EML6: variants seen among roughly 807,000 people sequenced by gnomAD.
EML6 encodes EMAP like 6.
In EML6, 154 loss-of-function variants were observed where a neutral mutation model predicts 240.1. That is an observed-to-expected ratio of 0.64 (90% confidence interval 0.56 to 0.73). The LOEUF (loss-of-function observed/expected upper bound fraction) is 0.73, where lower values mean the gene tolerates loss of function less well. EML6 is among the 30% of genes least tolerant of loss of function. EML6 has a pLI of 0.00. For synonymous variants in EML6, 1,148 were observed against 899.0 expected (o/e 1.28, Z -4.95); for missense variants, 2,964 against 2,474.6 (o/e 1.20, Z -4.20).
intron 7 of EML6, among the ~76,000 whole-genome samples, chr2:54,843,221 GT>G (rs973482570): frequency 1.3e-5 from 2 of 152,130 alleles, no homozygotes; most frequent in Non-Finnish European, 2.9e-5. Context: ...ACATTCTACT[GT>G]TTAAGACCAG....
At chr2:54,877,306 G>A (rs909251049) in intron 16 of EML6, among the ~76,000 whole-genome samples, 9 of 152,054 alleles carry the variant, frequency 5.9e-5, no homozygotes, top group Admixed American at 2.0e-4. Context: ...GCTATATAAC[G>A]TAGTACATTC....
intron 8 of EML6, among the ~76,000 whole-genome samples, chr2:54,845,304 G>C (rs778230569): frequency 3.3e-5 from 5 of 152,060 alleles, no homozygotes; most frequent in South Asian, 4.1e-4. Flanking sequence ...CTCCTTTTTT[G>C]TTTTTGTCTT....
rs1263049922 is a variant in EML6 at position 54,853,859 on chromosome 2, A to C, written c.1657+4A>C. On this transcript the variant is annotated splice_donor_region_variant and intron_variant, in intron 11 of 41. Transcript: ENST00000356458. Reference sequence around the variant, plus strand: ...AAATTTCCTTGTCTCAAGAGAGGTAAGGCCAAAAGAGATGTTTCATTGCAT... The same window carrying C: ...AAATTTCCTTGTCTCAAGAGAGGTACGGCCAAAAGAGATGTTTCATTGCAT... The C allele has an allele frequency of 1.9e-6, 3 of 1,539,366 alleles. No individual in the cohort carries two copies. Among genetic ancestry groups the C allele is most frequent in the Admixed American group, 3.9e-5 (2 of 50,750 alleles).
chr2:54,801,428 T>C (rs1272189326), intron 2 of EML6, among the ~76,000 whole-genome samples: 1 of 151,924 alleles, frequency 6.6e-6, no homozygotes, highest in African/African-American at 2.4e-5. Context: ...CCTGAAGTGA[T>C]GCTTACATGA....
chr2:54,811,290 C>A (rs1208651775), intron 2 of EML6, among the ~76,000 whole-genome samples: 1 of 152,166 alleles, frequency 6.6e-6, no homozygotes, highest in Non-Finnish European at 1.5e-5. Flanking sequence ...CCTGGCCTGG[C>A]TAAGGCAGCT....
At chr2:54,915,810 T>G (rs756268622) in intron 25 of EML6, among the ~76,000 whole-genome samples, 2 of 152,112 alleles carry the variant, frequency 1.3e-5, no homozygotes, top group Non-Finnish European at 2.9e-5. Context: ...GGGCTTTAAT[T>G]TTAGCTACAG....
At chr2:54,816,122 T>C (rs1668071314) in intron 3 of EML6, among the ~76,000 whole-genome samples, 1 of 152,214 alleles carries the variant, frequency 6.6e-6, no homozygotes, top group Admixed American at 6.5e-5. Flanking sequence ...ATAAGTGATA[T>C]CCTGCAAGAA....
At chr2:54,820,308 G>C (rs1668272959) in intron 4 of EML6, 86 bp from the exon 5 acceptor site, 5 of 755,346 alleles carry the variant, frequency 6.6e-6, no homozygotes, top group Non-Finnish European at 9.0e-6. Context: ...AAATGTTATA[G>C]TAGAGTCTTG....
Position 54,937,997 on chromosome 2 carries a change from C to T in EML6, c.4004+9246C>T, listed in dbSNP as rs764860490. On this transcript the variant is annotated intron_variant, in intron 28 of 41. Transcript: ENST00000356458. ...TCCCACTTCTGACACCAATCTGCTT[C>T]GTCCTCACAGGACAGTGATGTTAGT... is the stretch of plus-strand genomic sequence containing the variant. 1.7e-4 allele frequency among the ~76,000 whole-genome samples: 26 copies of T among 152,190 alleles called. 1 individual carries two copies. Among genetic ancestry groups the T allele is most frequent in the Admixed American group, 1.3e-3 (20 of 15,280 alleles).
chr2:54,789,314 C>G (rs1182694304), intron 2 of EML6, among the ~76,000 whole-genome samples: 1 of 151,696 alleles, frequency 6.6e-6, no homozygotes, highest in Non-Finnish European at 1.5e-5. Context: ...GAGATCGAGA[C>G]CATCCTGGCT....
At chr2:54,911,131 A>C in intron 25 of EML6, 89 bp downstream of exon 25, 1 of 665,028 alleles carries the variant, frequency 1.5e-6, no homozygotes, top group Non-Finnish European at 2.6e-6. Context: ...AACCACTAAT[A>C]TGGGTTATAT....
chr2:54,784,597 AACT>A (rs1280307070), intron 2 of EML6, among the ~76,000 whole-genome samples: 1 of 152,214 alleles, frequency 6.6e-6, no homozygotes, highest in Admixed American at 6.5e-5. Flanking sequence ...CCCAAAACTT[AACT>A]ACTAATAGCA....
At position 54,878,533 on chromosome 2, in the gene EML6, TTAAG is replaced by T. The variant is rs929758748; in HGVS notation, c.2345-1012_2345-1009del. On this transcript the variant is annotated intron_variant, in intron 16 of 41. Coordinates refer to ENST00000356458, the MANE Select transcript of EML6 (RefSeq NM_001039753.4). ...TTTTGTCTTGAAGGGAAAAAGCAAATTAAGTGTTTTTATTTGAAATTTAATTGTG... is the reference window on the plus strand; with the variant it reads ...TTTTGTCTTGAAGGGAAAAAGCAAATTGTTTTTATTTGAAATTTAATTGTG... 1.7e-4 allele frequency among the ~76,000 whole-genome samples: 26 copies of T among 152,184 alleles called. 1 individual carries two copies. Among genetic ancestry groups the T allele is most frequent in the African/African-American group, 6.3e-4 (26 of 41,444 alleles).
intron 17 of EML6, among the ~76,000 whole-genome samples, chr2:54,883,443 A>G (rs1671948258): frequency 6.6e-6 from 1 of 152,164 alleles, no homozygotes; most frequent in Non-Finnish European, 1.5e-5. Flanking sequence ...AGAAAGGGAG[A>G]ACAAAATTAC....
intron 32 of EML6, among the ~76,000 whole-genome samples, chr2:54,956,084 A>G (rs1167952132): frequency 6.6e-6 from 1 of 152,198 alleles, no homozygotes; most frequent in Non-Finnish European, 1.5e-5. Flanking sequence ...CATAAAATCC[A>G]TGTCGTCAGG....
chr2:54,957,828 AT>A lies in EML6; in HGVS notation c.4526del (p.Ile1509AsnfsTer22). ...VASRGGHLER[I>X]FVVEFRPDSD... ...CAGCCGAGGGGGTCACCTGGAGCGC[AT>A]ATTTGTGGTGGAATTTCGCCCCGAC... On this transcript the variant is annotated frameshift_variant, in exon 33 of 42. Coordinates refer to ENST00000356458, the MANE Select transcript of EML6 (RefSeq NM_001039753.4). LOFTEE classifies it high-confidence loss of function. The A allele has an allele frequency of 6.5e-7, 1 of 1,550,332 alleles. No homozygotes were observed. The highest frequency in any genetic ancestry group is 8.7e-7 in the Non-Finnish European group (1 of 1,146,996).
At chr2:54,864,940 C>T (rs1018390868) in intron 13 of EML6, among the ~76,000 whole-genome samples, 2 of 152,202 alleles carry the variant, frequency 1.3e-5, no homozygotes, top group South Asian at 4.1e-4. Flanking sequence ...ATCATCTTGA[C>T]TGTGCATTGA....
chr2:54,904,980 T>C (rs192941569), intron 24 of EML6, among the ~76,000 whole-genome samples: 1 of 152,318 alleles, frequency 6.6e-6, no homozygotes, highest in East Asian at 1.9e-4. Context: ...TTCAGGAGTT[T>C]TATACGGTGC....
At chr2:54,894,055 G>T (rs1243474472) in intron 19 of EML6, among the ~76,000 whole-genome samples, 1 of 151,980 alleles carries the variant, frequency 6.6e-6, no homozygotes, top group Non-Finnish European at 1.5e-5. Context: ...TTAATTTGGG[G>T]ATTGAATTTT....
Sources: gnomAD v4.1 joint callset for allele counts (sites outside exome capture counted in the v4.1 genomes callset) on GRCh38, gnomAD v4.1.1 for gene constraint, MANE v1.5 for transcripts, NCBI Gene and HGNC (gene_info 2026-07-23, HGNC 2026-07-21) for gene names.